Variants in SMCHD1 observed in about 807,000 individuals in gnomAD.
SMCHD1 encodes the protein structural maintenance of chromosomes flexible hinge domain containing 1, also known as structural maintenance of chromosomes flexible hinge domain-containing protein 1.
A neutral mutation model predicts 254.7 loss-of-function variants in SMCHD1; 78 were observed. The observed-to-expected ratio is 0.31, with a 90% confidence interval of 0.26 to 0.37. The LOEUF (loss-of-function observed/expected upper bound fraction) is 0.37, where lower values mean the gene tolerates loss of function less well. SMCHD1 is among the 10% of genes least tolerant of loss of function. The probability of loss-of-function intolerance (pLI) is 1.00; values close to 1 mark genes in which losing one functional copy is unlikely to be tolerated. For synonymous variants in SMCHD1, 766 were observed against 794.9 expected (o/e 0.96, Z 0.61); for missense variants, 1,840 against 2,408.1 (o/e 0.76, Z 4.94).
intron 4 of SMCHD1, 76 bp from the exon 5 acceptor site, chr18:2,673,939 T>G: frequency 7.0e-7 from 1 of 1,418,466 alleles, no homozygotes; most frequent in Non-Finnish European, 9.5e-7. Flanking sequence ...TGAATCATTT[T>G]TTTCATGTTT....
chr18:2,755,713 A>G lies in SMCHD1; in HGVS notation c.4346+3161A>G, dbSNP rs1043002448. On this transcript the variant is annotated intron_variant, in intron 34 of 47. Coordinates refer to ENST00000320876, the MANE Select transcript of SMCHD1 (RefSeq NM_015295.3). ...CTCCGGAGTAGCTGGGACTATAGGC[A>G]CCTGCCACCACGCCCAGCTAATTTT... Among the ~76,000 whole-genome samples, 8 of 150,922 alleles carry G rather than the reference A, an allele frequency of 5.3e-5. No homozygotes were observed. In the East Asian group the frequency reaches 9.7e-4, roughly 18 times the overall value.
At chr18:2,741,143 G>A (rs1219576726) in intron 28 of SMCHD1, among the ~76,000 whole-genome samples, 1 of 152,152 alleles carries the variant, frequency 6.6e-6, no homozygotes, top group Non-Finnish European at 1.5e-5. Flanking sequence ...CATAGTAGCT[G>A]TTTAAATAAA....
intron 39 of SMCHD1, among the ~76,000 whole-genome samples, chr18:2,770,877 C>T (rs539762490): frequency 9.9e-5 from 15 of 152,248 alleles, no homozygotes; most frequent in Admixed American, 2.6e-4. Context: ...CACCTTGGCC[C>T]CCACAAAGTG....
In SMCHD1 at chr18:2,802,546, T is replaced by C. The variant is rs2076383432; in HGVS notation, c.6012T>C (p.Asp2004=). 3 of 1,553,912 alleles carry C rather than the reference T, an allele frequency of 1.9e-6. No homozygotes were observed. Among genetic ancestry groups the C allele is most frequent in the Non-Finnish European group, 2.6e-6 (3 of 1,148,216 alleles). ...TGACCAGGATTATAACCAAAACAGATGTATGAGAGGTGACAGAGAGAAGAG... is the reference window on the plus strand; with the variant it reads ...TGACCAGGATTATAACCAAAACAGACGTATGAGAGGTGACAGAGAGAAGAG... ...TRQNRIITKT[D]V The change falls in exon 48 of 48, where the codon GAT becomes GAC. Residue 2004 remains aspartate, a synonymous_variant. Coordinates refer to ENST00000320876, the MANE Select transcript of SMCHD1 (RefSeq NM_015295.3).
intron 1 of SMCHD1, among the ~76,000 whole-genome samples, chr18:2,665,556 T>G (rs1181267143): frequency 6.6e-6 from 1 of 152,148 alleles, no homozygotes; most frequent in Non-Finnish European, 1.5e-5. Context: ...CCTGACCTTG[T>G]GATCCGACGG....
intron 42 of SMCHD1, among the ~76,000 whole-genome samples, chr18:2,776,175 C>T (rs1053763398): frequency 5.3e-5 from 8 of 151,962 alleles, no homozygotes; most frequent in Non-Finnish European, 7.4e-5. Context: ...GTATATGTAA[C>T]GTATACACAC....
At position 2,771,894 on chromosome 18, in the gene SMCHD1, G is replaced by A. The variant is rs1011582842; in HGVS notation, c.5052+276G>A. 4.6e-5 allele frequency among the ~76,000 whole-genome samples: 7 copies of A among 152,222 alleles called. No individual in the cohort carries two copies. The East Asian group carries it at 5.8e-4, about 13-fold the overall frequency. On this transcript the variant is annotated intron_variant, in intron 40 of 47. Coordinates refer to ENST00000320876, the MANE Select transcript of SMCHD1 (RefSeq NM_015295.3). ...TGAAAAGGCTGCATAACCACTACAC[G>A]TGATGGTAAACAAAATAAGAGAAAA...
At chr18:2,769,627 A>G (rs1162608070) in intron 37 of SMCHD1, 67 bp from the exon 38 acceptor site, 2 of 1,495,316 alleles carry the variant, frequency 1.3e-6, no homozygotes, top group East Asian at 2.5e-5. Context: ...TGAGTTATGT[A>G]ACATTTATAT....
At chr18:2,687,834 T>G (rs968406491) in intron 5 of SMCHD1, among the ~76,000 whole-genome samples, 1 of 152,184 alleles carries the variant, frequency 6.6e-6, no homozygotes, top group Non-Finnish European at 1.5e-5. Context: ...CCATTGAGTT[T>G]AATAGTGGTT....
chr18:2,713,353 A>T (rs1400345675), intron 17 of SMCHD1, among the ~76,000 whole-genome samples: 1 of 152,168 alleles, frequency 6.6e-6, no homozygotes, highest in East Asian at 1.9e-4. Flanking sequence ...TCTGATTTAT[A>T]ATTGCACCCT....
At chr18:2,692,819 T>C (rs1157516168) in intron 7 of SMCHD1, among the ~76,000 whole-genome samples, 1 of 152,218 alleles carries the variant, frequency 6.6e-6, no homozygotes, top group Non-Finnish European at 1.5e-5. Flanking sequence ...TCCTACCAGA[T>C]GGAATTTGTA....
chr18:2,788,401 C>T (rs752498778), intron 45 of SMCHD1, among the ~76,000 whole-genome samples: 4 of 152,100 alleles, frequency 2.6e-5, no homozygotes, highest in Non-Finnish European at 4.4e-5. Flanking sequence ...GGTTAGATAG[C>T]TTTCTCATGT....
At chr18:2,709,675 G>A (rs935811983) in intron 17 of SMCHD1, among the ~76,000 whole-genome samples, 3 of 151,996 alleles carry the variant, frequency 2.0e-5, no homozygotes, top group Non-Finnish European at 4.4e-5. Flanking sequence ...CAGTGATTTT[G>A]GCCATCTTTT....
chr18:2,708,617 CTTT>C (rs71159004), intron 17 of SMCHD1, among the ~76,000 whole-genome samples: 11 of 142,760 alleles, frequency 7.7e-5, no homozygotes, highest in Admixed American at 2.1e-4. Flanking sequence ...GACCTTCCTG[CTTT>C]TTTTTTTTTT....
intron 3 of SMCHD1, among the ~76,000 whole-genome samples, chr18:2,671,118 T>C (rs2073586736): frequency 6.6e-6 from 1 of 151,576 alleles, no homozygotes; most frequent in Admixed American, 6.6e-5. Flanking sequence ...GTATTTTTAG[T>C]AGAGATGGGG....
chr18:2,696,710 GATGAATT>G (rs1279311663), intron 8 of SMCHD1, among the ~76,000 whole-genome samples: 5 of 152,106 alleles, frequency 3.3e-5, no homozygotes, highest in Non-Finnish European at 4.4e-5. Context: ...ATATTTATTT[GATGAATT>G]ATTCCTCTTG....
intron 24 of SMCHD1, 148 bp downstream of exon 24, chr18:2,729,557 GA>G: frequency 1.9e-6 from 1 of 535,782 alleles, no homozygotes; most frequent in South Asian, 3.3e-5. Flanking sequence ...AAGACAATAT[GA>G]AATGCTGTAA....
rs144384245 is a variant in SMCHD1 at position 2,675,457 on chromosome 18, G to T, written c.638+1312G>T. On this transcript the variant is annotated intron_variant, in intron 5 of 47. Coordinates refer to ENST00000320876, the MANE Select transcript of SMCHD1 (RefSeq NM_015295.3). ...TTTTTGTATGTTTAGTAGAGATGGG[G>T]TTTCACCATGTTGGCCAGTCTGGTC... 7.7e-3 allele frequency among the ~76,000 whole-genome samples: 1,177 copies of T among 152,070 alleles called. 16 individuals are homozygous for T. The highest frequency in any genetic ancestry group is 0.023 in the African/African-American group (955 of 41,478).
intron 3 of SMCHD1, among the ~76,000 whole-genome samples, chr18:2,670,551 C>T (rs548807723): frequency 6.6e-6 from 1 of 152,200 alleles, no homozygotes; most frequent in South Asian, 2.1e-4. Context: ...AGAACAGAAC[C>T]TTCATCTGCT....
Sources: gnomAD v4.1 joint callset for allele counts (sites outside exome capture counted in the v4.1 genomes callset) on GRCh38, gnomAD v4.1.1 for gene constraint, MANE v1.5 for transcripts, NCBI Gene and HGNC (gene_info 2026-07-23, HGNC 2026-07-21) for gene names.